Variants in MAGI2 observed in about 807,000 individuals in gnomAD.
MAGI2 encodes membrane-associated guanylate kinase, WW and PDZ domain-containing protein 2.
In MAGI2, 35 loss-of-function variants were observed where a neutral mutation model predicts 133.3. That is an observed-to-expected ratio of 0.26 (90% CI 0.20 to 0.35). MAGI2 has a LOEUF of 0.35. MAGI2 is among the 10% of genes least tolerant of loss of function. The pLI is 1.00. For synonymous variants in MAGI2, 729 were observed against 710.6 expected (o/e 1.03, Z -0.41); for missense variants, 1,636 against 1,863.4 (o/e 0.88, Z 2.25).
chr7:79,420,581 T>A (rs1846885050), intron 1 of MAGI2, among the ~76,000 whole-genome samples: 1 of 151,988 alleles, frequency 6.6e-6, no homozygotes, highest in South Asian at 2.1e-4. Context: ...ATTAAACATG[T>A]GGTTTCTCTA....
chr7:78,548,787 G>A (rs1584587331), intron 3 of MAGI2, among the ~76,000 whole-genome samples: 1 of 152,202 alleles, frequency 6.6e-6, no homozygotes, highest in African/African-American at 2.4e-5. Context: ...CAGTTTTAGA[G>A]ACCTTATTTT....
chr7:78,616,543 A>G (rs1807116447), intron 3 of MAGI2: 1 of 151,856 alleles, frequency 6.6e-6, no homozygotes, highest in Admixed American at 6.6e-5. Flanking sequence ...AGGGAAAACC[A>G]CACTATGGGA....
At chr7:79,224,219 C>T (rs546654767) in intron 1 of MAGI2, among the ~76,000 whole-genome samples, 1 of 152,144 alleles carries the variant, frequency 6.6e-6, no homozygotes, top group African/African-American at 2.4e-5. Flanking sequence ...GTTTAGGTTC[C>T]ACTCTGATAC....
intron 9 of MAGI2, among the ~76,000 whole-genome samples, chr7:78,297,841 A>AG (rs369378025): frequency 0.33 from 19,652 of 59,774 alleles, 2,771 homozygotes; most frequent in Middle Eastern, 0.44. Flanking sequence ...GGGTGGGGGG[A>AG]GGGGGAGGGG....
At chr7:78,235,525 C>T (rs1012576521) in intron 10 of MAGI2, among the ~76,000 whole-genome samples, 3 of 152,068 alleles carry the variant, frequency 2.0e-5, no homozygotes, top group Admixed American at 6.6e-5. Context: ...TGAGTTCTCA[C>T]GAGATCTGAT....
At chr7:78,855,846 G>A (rs998480957) in intron 2 of MAGI2, among the ~76,000 whole-genome samples, 1 of 152,188 alleles carries the variant, frequency 6.6e-6, no homozygotes, top group Non-Finnish European at 1.5e-5. Context: ...TTCCACAATG[G>A]TTGAACTAGT....
chr7:78,063,240 CTTTTCTT>C (rs1563071482), intron 21 of MAGI2, among the ~76,000 whole-genome samples: 1 of 27,530 alleles, frequency 3.6e-5, no homozygotes, highest in East Asian at 2.7e-3. Flanking sequence ...GTATTTTTTT[CTTTTCTT>C]TTCTTTTCTT....
At chr7:78,097,016 A>T (rs542374217) in intron 20 of MAGI2, among the ~76,000 whole-genome samples, 13 of 152,328 alleles carry the variant, frequency 8.5e-5, no homozygotes, top group African/African-American at 2.9e-4. Context: ...AAGAACAGAC[A>T]CTTTGCAAAA....
chr7:78,862,037 G>A (rs1794191133), intron 2 of MAGI2, among the ~76,000 whole-genome samples: 1 of 152,084 alleles, frequency 6.6e-6, no homozygotes, highest in Admixed American at 6.6e-5. Context: ...TTACTAATAA[G>A]CCTCCATGAT....
chr7:79,076,714 C>A (rs566306871), intron 1 of MAGI2, among the ~76,000 whole-genome samples: 1 of 152,106 alleles, frequency 6.6e-6, no homozygotes, highest in Non-Finnish European at 1.5e-5. Flanking sequence ...AAATATAATT[C>A]TTTTCGACCC....
intron 2 of MAGI2, among the ~76,000 whole-genome samples, chr7:78,825,468 C>A (rs1201141441): frequency 5.3e-5 from 8 of 152,064 alleles, no homozygotes; most frequent in Non-Finnish European, 1.0e-4. Context: ...TTTTGTAGTA[C>A]GTTTTAATAA....
chr7:78,345,833 A>C, intron 8 of MAGI2, 89 bp downstream of exon 8: 2 of 1,544,650 alleles, frequency 1.3e-6, no homozygotes, highest in South Asian at 2.5e-5. Context: ...ATTTTTCAAA[A>C]TGGTCCAAGC....
At chr7:78,793,927 A>G (rs932779936) in intron 2 of MAGI2, among the ~76,000 whole-genome samples, 3 of 152,172 alleles carry the variant, frequency 2.0e-5, no homozygotes, top group African/African-American at 7.2e-5. Flanking sequence ...TGTCTCATGT[A>G]GGTATTTAAA....
chr7:78,070,460 GTATATATGTGTGTATA>G (rs1814484593), intron 21 of MAGI2, among the ~76,000 whole-genome samples: 1 of 146,200 alleles, frequency 6.8e-6, no homozygotes, highest in South Asian at 2.1e-4. Context: ...ATATGTGTGT[GTATATATGTGTGTATA>G]TATATGTGTG....
intron 6 of MAGI2, among the ~76,000 whole-genome samples, chr7:78,454,693 T>C (rs2151491667): frequency 6.6e-6 from 1 of 152,256 alleles, no homozygotes; most frequent in African/African-American, 2.4e-5. Flanking sequence ...TTTTAACGGA[T>C]AAACAAACCA....
intron 2 of MAGI2, among the ~76,000 whole-genome samples, chr7:78,754,660 A>G (rs1329043037): frequency 1.3e-5 from 2 of 152,218 alleles, no homozygotes; most frequent in Non-Finnish European, 2.9e-5. Context: ...ACAAATAGGG[A>G]ACACACTTGG....
At chr7:78,206,871 A>G (rs1787153054) in intron 10 of MAGI2, among the ~76,000 whole-genome samples, 1 of 152,232 alleles carries the variant, frequency 6.6e-6, no homozygotes, top group African/African-American at 2.4e-5. Flanking sequence ...GAGGAGTAGG[A>G]ACGACTTTTA....
Position 78,019,055 on chromosome 7 carries a change from TC to T in MAGI2, c.*259del. 2.2e-6 allele frequency: 1 copy of T among 451,946 alleles called. No homozygotes were observed. Among genetic ancestry groups the T allele is most frequent in the East Asian group, 3.5e-5 (1 of 28,284 alleles). 28.0% of individuals were successfully genotyped at this position (451,946 alleles called of 1,614,324 possible). A position where few individuals can be genotyped will look rare whatever the true frequency, so the allele number is the denominator to read the frequency against. ...ACACTGCACTGTCTCTCTGTGATGT[TC>T]TTCACGTTATTTTGGTTCTTCCATA... is the stretch of plus-strand genomic sequence containing the variant. On this transcript the variant is annotated 3_prime_UTR_variant, in exon 22 of 22. Coordinates refer to ENST00000354212, the MANE Select transcript of MAGI2 (RefSeq NM_012301.4).
intron 16 of MAGI2, among the ~76,000 whole-genome samples, chr7:78,157,079 A>C (rs771078180): frequency 6.6e-6 from 1 of 152,172 alleles, no homozygotes; most frequent in Non-Finnish European, 1.5e-5. Context: ...TTCTCTTCAA[A>C]ATTAGAATTC....
Sources: allele counts gnomAD v4.1 joint callset (sites outside exome capture counted in the v4.1 genomes callset), GRCh38; gene constraint gnomAD v4.1.1; transcripts MANE v1.5; gene names NCBI Gene and HGNC (gene_info 2026-07-23, HGNC 2026-07-21).